The following PDSS2 variants were observed in gnomAD, a reference collection of about 807,000 sequenced individuals.
The protein encoded by PDSS2 is decaprenyl diphosphate synthase subunit 2, also known as all trans-polyprenyl-diphosphate synthase PDSS2.
A neutral mutation model predicts 44.5 loss-of-function variants in PDSS2; 31 were observed. That is an observed-to-expected ratio of 0.70 (90% CI 0.52 to 0.94). The LOEUF (loss-of-function observed/expected upper bound fraction) is 0.94. Ranked by LOEUF, PDSS2 falls within the 40% of genes least tolerant of loss-of-function variation. The pLI is 0.00. For synonymous variants in PDSS2, 157 were observed against 180.3 expected (o/e 0.87, Z 1.03); for missense variants, 452 against 482.2 (o/e 0.94, Z 0.59).
chr6:107,434,458 C>T (rs779370570), intron 1 of PDSS2, among the ~76,000 whole-genome samples: 4 of 152,134 alleles, frequency 2.6e-5, no homozygotes, highest in Non-Finnish European at 5.9e-5. Flanking sequence ...TTTGCAACAA[C>T]ATAAATGGAA....
intron 2 of PDSS2, among the ~76,000 whole-genome samples, chr6:107,293,705 C>T (rs779538704): frequency 1.3e-5 from 2 of 152,134 alleles, no homozygotes; most frequent in Non-Finnish European, 2.9e-5. Flanking sequence ...CCACTGACAA[C>T]CCAGAGAGTA....
At chr6:107,273,984 C>T (rs774127477) in intron 3 of PDSS2, 45 bp downstream of exon 3, 56 of 1,487,184 alleles carry the variant, frequency 3.8e-5, no homozygotes, top group Non-Finnish European at 5.0e-5. Context: ...CAACTAATTG[C>T]TACCTGAAGC....
chr6:107,216,546 C>T lies in PDSS2; in HGVS notation c.703-4264G>A, dbSNP rs185006664. Among the ~76,000 whole-genome samples the T allele has an allele frequency of 5.3e-5, 8 of 151,796 alleles. No homozygotes were observed. In the South Asian group the frequency reaches 8.3e-4, roughly 16 times the overall value. ...GCTTAGAAACGCGCAAAACTGAATG[C>T]GCAAAACTGAATGAAGAAAATGTTA... is the stretch of plus-strand genomic sequence containing the variant. On this transcript the variant is annotated intron_variant, in intron 4 of 7. Coordinates refer to ENST00000369037, the MANE Select transcript of PDSS2 (RefSeq NM_020381.4).
chr6:107,441,706 C>A (rs1781514555), intron 1 of PDSS2, among the ~76,000 whole-genome samples: 2 of 152,290 alleles, frequency 1.3e-5, no homozygotes, highest in South Asian at 4.1e-4. Flanking sequence ...AATTCAAGGA[C>A]AGGGTGCCCT....
chr6:107,191,284 G>C (rs879687154), intron 7 of PDSS2, among the ~76,000 whole-genome samples: 1 of 152,204 alleles, frequency 6.6e-6, no homozygotes, highest in Non-Finnish European at 1.5e-5. Context: ...GGGGACAAAA[G>C]AGAGGCAGTG....
intron 1 of PDSS2, among the ~76,000 whole-genome samples, chr6:107,373,876 C>CT (rs1779200901): frequency 6.6e-6 from 1 of 152,282 alleles, no homozygotes; most frequent in Non-Finnish European, 1.5e-5. Context: ...TAGATTACTG[C>CT]TTAGGACAAC....
At chr6:107,178,281 G>A (rs1771862070) in intron 7 of PDSS2, among the ~76,000 whole-genome samples, 1 of 152,202 alleles carries the variant, frequency 6.6e-6, no homozygotes, top group Non-Finnish European at 1.5e-5. Flanking sequence ...TTGCATCAGT[G>A]TGGGGGCCAA....
chr6:107,356,363 T>A (rs1582983887), intron 1 of PDSS2, among the ~76,000 whole-genome samples: 2 of 152,238 alleles, frequency 1.3e-5, no homozygotes, highest in African/African-American at 4.8e-5. Flanking sequence ...CATTATTTCA[T>A]GGACATCATA....
At chr6:107,327,229 A>G (rs1213513601) in intron 2 of PDSS2, among the ~76,000 whole-genome samples, 2 of 152,170 alleles carry the variant, frequency 1.3e-5, no homozygotes, top group African/African-American at 4.8e-5. Flanking sequence ...ATTCTGAAGC[A>G]GTGGGAACAT....
At chr6:107,447,019 C>CTT (rs1781704792) in intron 1 of PDSS2, among the ~76,000 whole-genome samples, 1 of 152,222 alleles carries the variant, frequency 6.6e-6, no homozygotes, top group East Asian at 1.9e-4. Flanking sequence ...CAAGGCAAGT[C>CTT]CCTTCTACCT....
intron 2 of PDSS2, among the ~76,000 whole-genome samples, chr6:107,330,825 T>C (rs9373941): frequency 0.15 from 23,394 of 152,166 alleles, 2,159 homozygotes; most frequent in East Asian, 0.26. Context: ...ATGTTTACAG[T>C]ACATTTTTAT....
At chr6:107,283,256 G>C (rs957327591) in intron 2 of PDSS2, among the ~76,000 whole-genome samples, 1 of 151,790 alleles carries the variant, frequency 6.6e-6, no homozygotes, top group Admixed American at 6.6e-5. Flanking sequence ...AGCCCAGGAA[G>C]TTGAGGCTAC....
intron 1 of PDSS2, among the ~76,000 whole-genome samples, chr6:107,359,005 C>CTT (rs1491318573): frequency 4.9e-5 from 4 of 81,646 alleles, no homozygotes; most frequent in African/African-American, 1.9e-4. Flanking sequence ...AGCATTCTCG[C>CTT]TCTTTTTTTT....
At chr6:107,449,160 T>C (rs1386320162) in intron 1 of PDSS2, among the ~76,000 whole-genome samples, 3 of 152,228 alleles carry the variant, frequency 2.0e-5, no homozygotes, top group African/African-American at 7.2e-5. Flanking sequence ...TCCCTATTCC[T>C]CACATTGTCC....
chr6:107,443,331 A>G (rs560530445), intron 1 of PDSS2, among the ~76,000 whole-genome samples: 16 of 152,326 alleles, frequency 1.1e-4, no homozygotes, highest in African/African-American at 3.6e-4. Context: ...ATAAAATTAG[A>G]TCATCTTAAC....
chr6:107,274,448 C>T (rs1195995363), intron 2 of PDSS2, among the ~76,000 whole-genome samples: 1 of 152,054 alleles, frequency 6.6e-6, no homozygotes, highest in Non-Finnish European at 1.5e-5. Flanking sequence ...CCTCACTCTT[C>T]CCCACAAGTC....
chr6:107,269,375 T>C (rs943868823), intron 3 of PDSS2, among the ~76,000 whole-genome samples: 3 of 146,072 alleles, frequency 2.1e-5, no homozygotes, highest in Non-Finnish European at 4.5e-5. Context: ...TGTGTGTGTG[T>C]GCAATTTATT....
chr6:107,274,494 G>A (rs1775710002), intron 2 of PDSS2, among the ~76,000 whole-genome samples: 1 of 151,938 alleles, frequency 6.6e-6, no homozygotes, highest in Admixed American at 6.6e-5. Context: ...ACCAGTGGAG[G>A]GCCACCTTCC....
chr6:107,282,288 G>C (rs1015553339), intron 2 of PDSS2, among the ~76,000 whole-genome samples: 2 of 152,208 alleles, frequency 1.3e-5, no homozygotes, highest in African/African-American at 2.4e-5. Flanking sequence ...AAAAAGTAGG[G>C]TTTATAGAAT....
Sources: gnomAD v4.1 joint callset for allele counts (sites outside exome capture counted in the v4.1 genomes callset) on GRCh38, gnomAD v4.1.1 for gene constraint, MANE v1.5 for transcripts, NCBI Gene and HGNC (gene_info 2026-07-23, HGNC 2026-07-21) for gene names.